The following ADNP variants were observed in gnomAD, a reference collection of about 807,000 sequenced individuals.
ADNP encodes activity-dependent neuroprotector homeobox protein.
In ADNP, 4 loss-of-function variants were observed where a neutral mutation model predicts 84.9. The ratio of observed to expected loss-of-function variants is 0.05; its 90% CI spans 0.02 to 0.11. ADNP has a LOEUF of 0.11. Among genes scored for constraint, ADNP ranks in the 10% least tolerant of loss-of-function variants. The pLI is 1.00. For synonymous variants in ADNP, 554 were observed against 468.1 expected, an observed-to-expected ratio of 1.18 and a Z score of -2.37; for missense variants, 1,132 against 1,326.0, an observed-to-expected ratio of 0.85 and a Z score of 2.27.
At chr20:50,898,691 T>C (rs946145567) in intron 5 of ADNP, among the ~76,000 whole-genome samples, 2 of 152,210 alleles carry the variant, frequency 1.3e-5, no homozygotes, top group African/African-American at 2.4e-5. Flanking sequence ...ATTATGGATT[T>C]TGTATGCTTA....
At position 50,891,156 on chromosome 20, in the gene ADNP, G is replaced by T; in HGVS notation, c.*249C>A. On this transcript the variant is annotated 3_prime_UTR_variant, in exon 6 of 6. Transcript: ENST00000621696. ...AAAATAAACCTCTGCTTTTCCTCGTGTGTATTCATGAGTCACCAGCTTATT... is the reference window on the plus strand; with the variant it reads ...AAAATAAACCTCTGCTTTTCCTCGTTTGTATTCATGAGTCACCAGCTTATT... 7.9e-7 allele frequency: 1 copy of T among 1,269,470 alleles called. No homozygotes were observed. The highest frequency in any genetic ancestry group is 9.9e-7 in the Non-Finnish European group (1 of 1,009,996). 78.6% of individuals were successfully genotyped at this position (1,269,470 alleles called of 1,614,324 possible). A position where few individuals can be genotyped will look rare whatever the true frequency, so the allele number is the denominator to read the frequency against.
intron 2 of ADNP, chr20:50,905,587 C>G (rs1982394955): frequency 6.6e-6 from 1 of 152,160 alleles, no homozygotes; most frequent in African/African-American, 2.4e-5. Context: ...GTACGTTACT[C>G]TAACTTAGAA....
rs1255006984 is a variant in ADNP, at chr20:50,931,010, CG to C, written c.-450del. 6.9e-6 allele frequency: 1 copy of C among 145,136 alleles called. No individual in the cohort carries two copies. Among genetic ancestry groups the C allele is most frequent in the East Asian group, 2.0e-4 (1 of 4,896 alleles). 9.0% of individuals were successfully genotyped at this position (145,136 alleles called of 1,614,324 possible). ...CGGCCGCGGGTGCTGCCGGGGGGCGCGGCGGGCGCAGCAGAGCGGCGGGCGG... is the reference window on the plus strand; with the variant it reads ...CGGCCGCGGGTGCTGCCGGGGGGCGCGCGGGCGCAGCAGAGCGGCGGGCGG... On this transcript the variant is annotated 5_prime_UTR_variant, in exon 1 of 6. Transcript: ENST00000621696.
chr20:50,889,961 GAAGAAA>G lies in ADNP; in HGVS notation c.*1438_*1443del. 1 of 349,932 alleles carries G rather than the reference GAAGAAA, an allele frequency of 2.9e-6. No individual in the cohort carries two copies. Among genetic ancestry groups the G allele is most frequent in the Non-Finnish European group, 4.6e-6 (1 of 216,228 alleles). The allele number at this position is 349,932 out of a possible 1,614,324, so 21.7% of individuals were successfully genotyped here. On this transcript the variant is annotated 3_prime_UTR_variant, in exon 6 of 6. Transcript: ENST00000621696. ...GAAAACGAACGTTTAACTTCATCTA[GAAGAAA>G]AAACAAACAAAAAACCCATCAGGCT...
intron 5 of ADNP, among the ~76,000 whole-genome samples, chr20:50,901,559 TG>T (rs948447232): frequency 6.6e-6 from 1 of 152,198 alleles, no homozygotes; most frequent in African/African-American, 2.4e-5. Context: ...AATGCCAATT[TG>T]TAAGAAGTTT....
intron 2 of ADNP, among the ~76,000 whole-genome samples, chr20:50,924,596 AAT>A (rs1483971526): frequency 1.3e-5 from 2 of 152,212 alleles, no homozygotes; most frequent in African/African-American, 2.4e-5. Flanking sequence ...GAAAATTGGG[AAT>A]AGTTTATAAA....
intron 2 of ADNP, among the ~76,000 whole-genome samples, chr20:50,911,073 C>T (rs748656962): frequency 3.9e-5 from 6 of 152,188 alleles, no homozygotes; most frequent in Non-Finnish European, 5.9e-5. Context: ...TTTACTAATC[C>T]AGGCCCATAT....
Position 50,889,710 on chromosome 20 carries a change from T to C in ADNP, c.*1695A>G, listed in dbSNP as rs1290042601. The C allele has an allele frequency of 5.1e-6, 2 of 392,798 alleles. No homozygotes were observed. Among genetic ancestry groups the C allele is most frequent in the Admixed American group, 8.9e-5 (2 of 22,566 alleles). 24.3% of individuals were successfully genotyped at this position (392,798 alleles called of 1,614,324 possible). A position where few individuals can be genotyped will look rare whatever the true frequency, so the allele number is the denominator to read the frequency against. ...CTCATGGATTGGAGTTTCCCATCAT[T>C]GTTTTAATTGCTGGAAATGTTGGCC... On this transcript the variant is annotated 3_prime_UTR_variant, in exon 6 of 6. Transcript: ENST00000621696.
rs6096160 is a variant in ADNP at position 50,890,074 on chromosome 20, G to A, written c.*1331C>T. 3.4e-6 allele frequency: 1 copy of A among 296,848 alleles called. No homozygotes were observed. The highest frequency in any genetic ancestry group is 6.1e-6 in the Non-Finnish European group (1 of 164,514). 18.4% of individuals were successfully genotyped at this position (296,848 alleles called of 1,614,324 possible). On this transcript the variant is annotated 3_prime_UTR_variant, in exon 6 of 6. Coordinates refer to ENST00000621696, the MANE Select transcript of ADNP (RefSeq NM_001282531.3). ...ATTGAGACATTTACATATATATGCA[G>A]GCTCTGCTCCTTAACAAAAGGTGAA...
chr20:50,921,891 G>A (rs1174793731), intron 2 of ADNP, among the ~76,000 whole-genome samples: 1 of 152,166 alleles, frequency 6.6e-6, no homozygotes. Context: ...GATTTAGGGA[G>A]AGTGTGAGGT....
intron 2 of ADNP, among the ~76,000 whole-genome samples, chr20:50,914,598 G>C (rs2122928330): frequency 6.6e-6 from 1 of 152,310 alleles, no homozygotes; most frequent in East Asian, 1.9e-4. Flanking sequence ...ACTGCTGACT[G>C]TTCTACTGTT....
rs1205621979 is a variant in ADNP, at chr20:50,892,261, T to A, written c.2453A>T (p.Tyr818Phe). 1 of 1,614,060 alleles carries A rather than the reference T, an allele frequency of 6.2e-7. No individual in the cohort carries two copies. Among genetic ancestry groups the A allele is most frequent in the African/African-American group, 1.3e-5 (1 of 74,924 alleles). The change falls in exon 6 of 6, where the codon TAC becomes TTC. Residue 818 changes from tyrosine (Y) to phenylalanine (F), a missense_variant. Coordinates refer to ENST00000621696, the MANE Select transcript of ADNP (RefSeq NM_001282531.3). Reference protein sequence around the residue: ...RKKCVRDCEKYKPGVLLGFNM... With the variant: ...RKKCVRDCEKFKPGVLLGFNM... Reference sequence around the variant, plus strand: ...AAACCCCAGCAACACGCCAGGCTTGTACTTTTCACAATCACGGACACACTT... The same window carrying A: ...AAACCCCAGCAACACGCCAGGCTTGAACTTTTCACAATCACGGACACACTT...
At chr20:50,927,585 A>AG (rs1984377339) in intron 2 of ADNP, among the ~76,000 whole-genome samples, 1 of 150,126 alleles carries the variant, frequency 6.7e-6, no homozygotes, top group Admixed American at 6.6e-5. Flanking sequence ...TGGTAGAGAC[A>AG]GGGTCTCATT....
chr20:50,924,093 G>A (rs758773018), intron 2 of ADNP, among the ~76,000 whole-genome samples: 1 of 152,162 alleles, frequency 6.6e-6, no homozygotes, highest in Non-Finnish European at 1.5e-5. Context: ...GTTTCCACAA[G>A]CTCTTAAATG....
intron 5 of ADNP, among the ~76,000 whole-genome samples, chr20:50,899,217 A>G (rs1269165908): frequency 7.0e-6 from 1 of 142,434 alleles, no homozygotes; most frequent in Admixed American, 7.1e-5. Context: ...TTTTTTTGAG[A>G]TGAAGTCTTG....
intron 2 of ADNP, among the ~76,000 whole-genome samples, chr20:50,919,158 A>C (rs1389405302): frequency 6.6e-6 from 1 of 152,056 alleles, no homozygotes; most frequent in African/African-American, 2.4e-5. Context: ...AGAACTCTTA[A>C]AATATGCAGC....
At chr20:50,896,538 G>A (rs773915844) in intron 5 of ADNP, among the ~76,000 whole-genome samples, 12 of 152,020 alleles carry the variant, frequency 7.9e-5, no homozygotes, top group Non-Finnish European at 1.3e-4. Context: ...CAGCCTGGGC[G>A]ACAAGAGCAA....
At chr20:50,926,063 G>A (rs1254464811) in intron 2 of ADNP, among the ~76,000 whole-genome samples, 3 of 152,290 alleles carry the variant, frequency 2.0e-5, no homozygotes, top group African/African-American at 2.4e-5. Flanking sequence ...TTGGGCCACC[G>A]CACCCCAGCC....
chr20:50,901,962 A>C (rs1982029414), intron 5 of ADNP, 55 bp downstream of exon 5: 8 of 1,326,924 alleles, frequency 6.0e-6, no homozygotes, highest in Non-Finnish European at 8.7e-6. Flanking sequence ...CCTAGAGCTG[A>C]AAAGGGAGTA....
Sources: gnomAD v4.1 joint callset for allele counts (sites outside exome capture counted in the v4.1 genomes callset) on GRCh38, gnomAD v4.1.1 for gene constraint, MANE v1.5 for transcripts, NCBI Gene and HGNC (gene_info 2026-07-23, HGNC 2026-07-21) for gene names.